Variants in FAR1 observed in about 807,000 individuals in gnomAD.
FAR1 encodes the protein fatty acyl-CoA reductase 1.
In FAR1, 22 loss-of-function variants were observed where a neutral mutation model predicts 61.1. The ratio of observed to expected loss-of-function variants is 0.36; its 90% CI spans 0.26 to 0.51. FAR1 has a LOEUF of 0.51. FAR1 is among the 20% of genes least tolerant of loss of function. FAR1 has a pLI of 0.95. For missense variants in FAR1, 359 were observed against 626.9 expected (o/e 0.57, Z 4.56); for synonymous variants, 206 against 209.7 (o/e 0.98, Z 0.15).
At chr11:13,722,012 G>A (rs995862377) in intron 10 of FAR1, among the ~76,000 whole-genome samples, 153 bp downstream of exon 10, 12 of 152,142 alleles carry the variant, frequency 7.9e-5, no homozygotes, top group Admixed American at 3.3e-4. Flanking sequence ...ATTGTTAGTG[G>A]TGAAATAAAA....
chr11:13,668,894 A>C (rs932423975), intron 1 of FAR1, 88 bp downstream of exon 1: 1 of 152,154 alleles, frequency 6.6e-6, no homozygotes, highest in African/African-American at 2.4e-5. Context: ...CTCGGGCTGC[A>C]GGCCTGGCCG....
chr11:13,711,047 G>A, intron 5 of FAR1, 177 bp downstream of exon 5: 1 of 563,774 alleles, frequency 1.8e-6, no homozygotes, highest in Non-Finnish European at 3.1e-6. Context: ...TTTCTATAAT[G>A]TGACGCTGGG....
At chr11:13,686,226 A>G (rs1591257754) in intron 1 of FAR1, among the ~76,000 whole-genome samples, 1 of 152,210 alleles carries the variant, frequency 6.6e-6, no homozygotes, top group Non-Finnish European at 1.5e-5. Context: ...AGTTTGTGCT[A>G]AATAAATTTT....
chr11:13,695,035 G>A, intron 2 of FAR1, 81 bp downstream of exon 2: 6 of 1,143,088 alleles, frequency 5.2e-6, no homozygotes, highest in Admixed American at 3.3e-5. Flanking sequence ...TCAATAGCTT[G>A]GTATATTTCT....
intron 5 of FAR1, 45 bp downstream of exon 5, chr11:13,710,915 T>A (rs1034629442): frequency 5.2e-6 from 8 of 1,541,044 alleles, no homozygotes; most frequent in Non-Finnish European, 6.2e-6. Flanking sequence ...TTGAGAATTT[T>A]AAGTTGTAAC....
In FAR1 at chr11:13,674,108, G is replaced by A. The variant is rs561541218; in HGVS notation, c.-8+5302G>A. On this transcript the variant is annotated intron_variant, in intron 1 of 11. Transcript: ENST00000354817. ...GGGCGGATCATGAGGTCAGGAGTTC[G>A]ATACCAGCCTGGCCAATATGGTGAA... 5.3e-5 allele frequency among the ~76,000 whole-genome samples: 8 copies of A among 152,078 alleles called. No homozygotes were observed. In the East Asian group the frequency reaches 9.7e-4, roughly 18 times the overall value.
chr11:13,725,740 T>C (rs528591997), intron 10 of FAR1, among the ~76,000 whole-genome samples: 1 of 152,118 alleles, frequency 6.6e-6, no homozygotes, highest in South Asian at 2.1e-4. Context: ...CTTTTAGATA[T>C]GTCTTTTGTA....
intron 7 of FAR1, 49 bp downstream of exon 7, chr11:13,712,095 G>T (rs781347826): frequency 8.1e-7 from 1 of 1,242,172 alleles, no homozygotes; most frequent in Non-Finnish European, 1.2e-6. Flanking sequence ...AACTGAAAAG[G>T]GAAGACATAG....
chr11:13,669,937 C>T (rs1013744296), intron 1 of FAR1, among the ~76,000 whole-genome samples: 97 of 152,302 alleles, frequency 6.4e-4, no homozygotes, highest in Middle Eastern at 3.4e-3. Flanking sequence ...CTCAGAAAAT[C>T]TGCCCTCCAG....
chr11:13,724,012 A>G (rs1410618684), intron 10 of FAR1, among the ~76,000 whole-genome samples: 1 of 152,212 alleles, frequency 6.6e-6, no homozygotes, highest in African/African-American at 2.4e-5. Context: ...TACTTGAGCT[A>G]GGTCTCACCC....
At chr11:13,672,971 T>C (rs1054744383) in intron 1 of FAR1, among the ~76,000 whole-genome samples, 17 of 152,218 alleles carry the variant, frequency 1.1e-4, no homozygotes, top group Admixed American at 8.5e-4. Context: ...TCCTACACAT[T>C]GGTTCTATAG....
At chr11:13,724,987 C>T (rs1848654242) in intron 10 of FAR1, among the ~76,000 whole-genome samples, 1 of 152,192 alleles carries the variant, frequency 6.6e-6, no homozygotes, top group South Asian at 2.1e-4. Flanking sequence ...TCACTACCTC[C>T]TCTGTCTTCC....
intron 9 of FAR1, among the ~76,000 whole-genome samples, chr11:13,715,365 T>C (rs576073078): frequency 2.6e-5 from 4 of 152,310 alleles, no homozygotes; most frequent in South Asian, 2.1e-4. Flanking sequence ...TTCCATAATA[T>C]AGGAAATGTC....
chr11:13,680,827 C>T (rs1848119275), intron 1 of FAR1, among the ~76,000 whole-genome samples: 1 of 152,154 alleles, frequency 6.6e-6, no homozygotes, highest in Admixed American at 6.5e-5. Context: ...TGGGACCAAA[C>T]AAACCATATG....
chr11:13,668,932 C>T (rs1396888632), intron 1 of FAR1, 126 bp downstream of exon 1: 1 of 152,172 alleles, frequency 6.6e-6, no homozygotes, highest in Non-Finnish European at 1.5e-5. Context: ...AGCCGTCCCG[C>T]CCCCGCCCCC....
chr11:13,705,525 TC>T (rs1210617328), intron 3 of FAR1, among the ~76,000 whole-genome samples: 1 of 152,174 alleles, frequency 6.6e-6, no homozygotes, highest in African/African-American at 2.4e-5. Context: ...TGTGTACTTT[TC>T]CCAAAACATG....
At chr11:13,694,691 G>T in intron 1 of FAR1, 68 bp from the exon 2 acceptor site, 1 of 1,318,990 alleles carries the variant, frequency 7.6e-7, no homozygotes, top group Non-Finnish European at 1.0e-6. Flanking sequence ...TGAATACCAA[G>T]AGATTTTTAG....
chr11:13,681,070 C>T (rs932766346), intron 1 of FAR1, among the ~76,000 whole-genome samples: 2 of 152,218 alleles, frequency 1.3e-5, no homozygotes, highest in African/African-American at 4.8e-5. Flanking sequence ...GAACTTTGCT[C>T]CTTAGTTCAG....
chr11:13,708,447 G>GCGCGCGCACA (rs139902063), intron 4 of FAR1, among the ~76,000 whole-genome samples: 69 of 136,724 alleles, frequency 5.0e-4, no homozygotes, highest in African/African-American at 1.4e-3. Context: ...GCGCGCGCGC[G>GCGCGCGCACA]CACACACACA....
Sources: allele counts gnomAD v4.1 joint callset (sites outside exome capture counted in the v4.1 genomes callset), GRCh38; gene constraint gnomAD v4.1.1; transcripts MANE v1.5; gene names NCBI Gene and HGNC (gene_info 2026-07-23, HGNC 2026-07-21).